The following PCTP variants were observed in gnomAD, a reference collection of about 807,000 sequenced individuals.
PCTP encodes START domain-containing protein 2.
A neutral mutation model predicts 31.0 loss-of-function variants in PCTP; 27 were observed. That is an observed-to-expected ratio of 0.87 (90% CI 0.64 to 1.20). The LOEUF (loss-of-function observed/expected upper bound fraction) is 1.20, where lower values mean the gene tolerates loss of function less well. PCTP is among the 50% of genes most tolerant of loss of function. The probability of loss-of-function intolerance (pLI) is 0.00; values close to 1 mark genes in which losing one functional copy is unlikely to be tolerated. For synonymous variants in PCTP, 108 were observed against 101.2 expected (o/e 1.07, Z -0.40); for missense variants, 287 against 268.2 (o/e 1.07, Z -0.49).
intron 1 of PCTP, among the ~76,000 whole-genome samples, chr17:55,759,541 C>T (rs1004985604): frequency 6.6e-6 from 1 of 152,196 alleles, no homozygotes; most frequent in Non-Finnish European, 1.5e-5. Context: ...GAGTCTATTA[C>T]TTGCCCCAAA....
chr17:55,813,504 AG>A (rs1437914386), intron 3 of PCTP, among the ~76,000 whole-genome samples: 1 of 152,070 alleles, frequency 6.6e-6, no homozygotes, highest in Non-Finnish European at 1.5e-5. Flanking sequence ...CAGTAGAGAC[AG>A]GGTTTCATCA....
intron 3 of PCTP, among the ~76,000 whole-genome samples, chr17:55,809,585 C>T (rs905598045): frequency 8.1e-5 from 12 of 148,570 alleles, no homozygotes; most frequent in Non-Finnish European, 1.3e-4. Context: ...TGCAATGGCG[C>T]GATCTCAACT....
At chr17:55,828,674 C>A (rs184931669) in intron 5 of PCTP, among the ~76,000 whole-genome samples, 2 of 152,068 alleles carry the variant, frequency 1.3e-5, no homozygotes, top group Non-Finnish European at 2.9e-5. Flanking sequence ...GGGTGGGAAG[C>A]AATTTAACCC....
chr17:55,845,946 A>G (rs202188794), downstream of PCTP, among the ~76,000 whole-genome samples: 1 of 135,786 alleles, frequency 7.4e-6, no homozygotes, highest in Admixed American at 7.0e-5. Context: ...GTGTTCCCAA[A>G]TATTACTGAG....
downstream of PCTP, among the ~76,000 whole-genome samples, chr17:55,781,367 A>G (rs1238081702): frequency 6.6e-6 from 1 of 152,230 alleles, no homozygotes; most frequent in Non-Finnish European, 1.5e-5. Context: ...CTTACTATAA[A>G]TCTATTCCCT....
chr17:55,789,273 A>G (rs1229922052), intron 3 of PCTP, among the ~76,000 whole-genome samples: 1 of 152,200 alleles, frequency 6.6e-6, no homozygotes, highest in African/African-American at 2.4e-5. Context: ...TTGAAAAATA[A>G]AATTCTCAGA....
At chr17:55,831,993 T>C (rs978068594) in intron 5 of PCTP, among the ~76,000 whole-genome samples, 10 of 152,230 alleles carry the variant, frequency 6.6e-5, no homozygotes, top group South Asian at 2.1e-4. Context: ...GAGAATGGCA[T>C]GAACCCGGGA....
At chr17:55,847,012 C>T (rs1211702658), downstream of PCTP, among the ~76,000 whole-genome samples, 1 of 152,126 alleles carries the variant, frequency 6.6e-6, no homozygotes, top group Non-Finnish European at 1.5e-5. Context: ...GGTGTTATCT[C>T]AAGTGTCATG....
chr17:55,807,736 C>T (rs1164433972), intron 3 of PCTP, among the ~76,000 whole-genome samples: 1 of 152,148 alleles, frequency 6.6e-6, no homozygotes, highest in Non-Finnish European at 1.5e-5. Flanking sequence ...CACTTTAAGT[C>T]AACTTTCAGC....
chr17:55,789,216 A>G (rs1178361092), intron 3 of PCTP, among the ~76,000 whole-genome samples: 1 of 152,154 alleles, frequency 6.6e-6, no homozygotes, highest in Non-Finnish European at 1.5e-5. Context: ...TTTCTTACAA[A>G]TCAGAATTAA....
At chr17:55,844,800 A>G (rs762333331), downstream of PCTP, among the ~76,000 whole-genome samples, 5 of 152,122 alleles carry the variant, frequency 3.3e-5, no homozygotes, top group Non-Finnish European at 4.4e-5. Context: ...GTTAAATAAC[A>G]ATATATAGAC....
downstream of PCTP, among the ~76,000 whole-genome samples, chr17:55,826,344 T>C (rs115465196): frequency 2.1e-3 from 316 of 152,158 alleles, 2 homozygotes; most frequent in African/African-American, 7.4e-3. Context: ...AGCAAATCCA[T>C]ATCTAGAGCA....
intron 5 of PCTP, among the ~76,000 whole-genome samples, chr17:55,838,759 T>C (rs933800825): frequency 3.3e-5 from 5 of 152,108 alleles, no homozygotes. Flanking sequence ...AACTCGGATT[T>C]ATTTTTTAAT....
chr17:55,835,531 C>A (rs1213390545), intron 5 of PCTP, among the ~76,000 whole-genome samples: 1 of 152,174 alleles, frequency 6.6e-6, no homozygotes, highest in African/African-American at 2.4e-5. Flanking sequence ...TTTGATATAG[C>A]CAGTTTCAAA....
chr17:55,770,493 T>A (rs979707741), intron 2 of PCTP: 1 of 152,170 alleles, frequency 6.6e-6, no homozygotes, highest in Non-Finnish European at 1.5e-5. Context: ...CCTCTGACTA[T>A]TTTTTTGATG....
intron 1 of PCTP, among the ~76,000 whole-genome samples, chr17:55,757,504 A>G (rs1431837845): frequency 6.7e-6 from 1 of 149,406 alleles, no homozygotes; most frequent in Non-Finnish European, 1.5e-5. Flanking sequence ...GGAAAATACT[A>G]TATGTGTATA....
At chr17:55,845,290 T>G (rs541122060), downstream of PCTP, among the ~76,000 whole-genome samples, 5 of 151,976 alleles carry the variant, frequency 3.3e-5, no homozygotes, top group Non-Finnish European at 7.4e-5. Flanking sequence ...TGCTCATAGG[T>G]CTTTCAAGAT....
chr17:55,796,148 A>G (rs1465012512), intron 3 of PCTP, among the ~76,000 whole-genome samples: 1 of 152,082 alleles, frequency 6.6e-6, no homozygotes, highest in Non-Finnish European at 1.5e-5. Context: ...ATATGTTGCC[A>G]TCAGAGATTA....
At chr17:55,826,010 C>T (rs1043432489), downstream of PCTP, among the ~76,000 whole-genome samples, 7 of 152,136 alleles carry the variant, frequency 4.6e-5, no homozygotes, top group African/African-American at 1.7e-4. Context: ...CGGCATCATT[C>T]CAGTGTGAAA....
Sources: gnomAD v4.1 joint callset for allele counts (sites outside exome capture counted in the v4.1 genomes callset) on GRCh38, gnomAD v4.1.1 for gene constraint, MANE v1.5 for transcripts, NCBI Gene and HGNC (gene_info 2026-07-23, HGNC 2026-07-21) for gene names.